MED12L: variants seen among roughly 807,000 people sequenced by gnomAD.
MED12L encodes the protein mediator complex subunit 12L, also known as mediator of RNA polymerase II transcription subunit 12-like protein.
Under a neutral mutation model 281.3 loss-of-function variants are expected in MED12L, and 60 were observed. The ratio of observed to expected loss-of-function variants is 0.21; its 90% CI spans 0.17 to 0.26. The LOEUF (loss-of-function observed/expected upper bound fraction) is 0.26. MED12L is among the 10% of genes least tolerant of loss of function. MED12L has a pLI of 1.00. For missense variants in MED12L, 2,146 were observed against 2,680.9 expected (o/e 0.80, Z 4.41); for synonymous variants, 974 against 987.2 (o/e 0.99, Z 0.25).
At chr3:151,328,604 T>A in intron 16 of MED12L, 1 of 1,613,746 alleles carries the variant, frequency 6.2e-7, no homozygotes, top group Non-Finnish European at 8.5e-7. Flanking sequence ...TAGAAAAATA[T>A]TTCTCAAAGG....
At chr3:151,278,876 C>T (rs1346644120) in intron 16 of MED12L, among the ~76,000 whole-genome samples, 1 of 152,164 alleles carries the variant, frequency 6.6e-6, no homozygotes, top group African/African-American at 2.4e-5. Flanking sequence ...AGAGGTGTTG[C>T]ATTGTCATTT....
intron 26 of MED12L, 60 bp downstream of exon 26, chr3:151,369,609 T>C: frequency 8.9e-7 from 1 of 1,123,148 alleles, no homozygotes; most frequent in Non-Finnish European, 1.3e-6. Flanking sequence ...GCAAAATAAT[T>C]TATTTTCAGG....
At chr3:151,193,806 C>G in intron 16 of MED12L, 140 bp downstream of exon 16, 1 of 681,488 alleles carries the variant, frequency 1.5e-6, no homozygotes, top group Non-Finnish European at 2.4e-6. Flanking sequence ...TGCTTCTGTT[C>G]TAATTCTGAT....
chr3:151,359,873 G>C (rs1754393480), intron 20 of MED12L, among the ~76,000 whole-genome samples: 3 of 152,038 alleles, frequency 2.0e-5, no homozygotes, highest in Admixed American at 1.3e-4. Flanking sequence ...GGACAAAGAG[G>C]CCTATAACTA....
chr3:151,272,300 GATAAAA>G (rs1389368612), intron 16 of MED12L, among the ~76,000 whole-genome samples: 5 of 152,286 alleles, frequency 3.3e-5, no homozygotes, highest in East Asian at 3.9e-4. Context: ...AAGAGGTCAA[GATAAAA>G]ATAAAACAGG....
intron 5 of MED12L, among the ~76,000 whole-genome samples, chr3:151,146,693 T>C (rs184824607): frequency 1.3e-4 from 20 of 152,358 alleles, no homozygotes; most frequent in Admixed American, 9.8e-4. Context: ...CACTCTGTAT[T>C]TGTCCCCAGT....
rs567206198 is a variant in MED12L at position 151,274,246 on chromosome 3, T to C, written c.2251-75813T>C. Among the ~76,000 whole-genome samples, 19 of 152,368 alleles carry C rather than the reference T, an allele frequency of 1.2e-4. No individual in the cohort carries two copies. In the South Asian group the frequency reaches 3.5e-3, roughly 28 times the overall value. ...AAAATAATTCCTACTTAACCTGTTA[T>C]TTTGGTTAACCTGTATTTTTCCTTA... On this transcript the variant is annotated intron_variant, in intron 16 of 44. Transcript: ENST00000687756.
intron 11 of MED12L, among the ~76,000 whole-genome samples, chr3:151,176,224 G>C (rs1274012763): frequency 6.6e-6 from 1 of 152,030 alleles, no homozygotes; most frequent in Non-Finnish European, 1.5e-5. Flanking sequence ...TTAGACTTTA[G>C]TTTGCTCAAC....
In MED12L at chr3:151,368,676, TGTCA is replaced by T. The variant is rs1560087387; in HGVS notation, c.3550+426_3550+429del. On this transcript the variant is annotated intron_variant, in intron 25 of 44. Transcript: ENST00000687756. Reference sequence around the variant, plus strand: ...TTTCATTTCATTTCATTTCATTTCATGTCATTTCATTTTATTTCATTTCATTTCA... The same window carrying T: ...TTTCATTTCATTTCATTTCATTTCATTTTCATTTTATTTCATTTCATTTCA... 7.5e-3 allele frequency among the ~76,000 whole-genome samples: 568 copies of T among 75,976 alleles called. 6 individuals are homozygous for T. The highest frequency in any genetic ancestry group is 0.011 in the Non-Finnish European group (407 of 38,524). The allele number at this position is 75,976 out of a possible 152,430, so 49.8% of individuals were successfully genotyped here. A position where few individuals can be genotyped will look rare whatever the true frequency, so the allele number is the denominator to read the frequency against.
intron 8 of MED12L, among the ~76,000 whole-genome samples, chr3:151,161,435 C>G (rs1209170260): frequency 6.6e-6 from 1 of 152,004 alleles, no homozygotes. Context: ...AGAGAGAATC[C>G]GTGAACCTGA....
At chr3:151,178,088 G>A (rs959476686) in intron 11 of MED12L, among the ~76,000 whole-genome samples, 7 of 146,996 alleles carry the variant, frequency 4.8e-5, no homozygotes, top group African/African-American at 1.5e-4. Flanking sequence ...AACCTGGAAG[G>A]TGGAGGTTGC....
In MED12L at chr3:151,365,009, A is replaced by G; in HGVS notation, c.2988A>G (p.Ile996Met). The change falls in exon 22 of 45, where the codon ATA becomes ATG. Residue 996 changes from isoleucine (I) to methionine (M), a missense_variant. Ile to Met is a conservative substitution (Grantham distance 10). Around this residue, in one of 9 missense-constraint regions of MED12L, gnomAD observed 404 missense variants for 603.5 expected, o/e 0.67. Transcript: ENST00000687756. ...CCTGTTCAAAAGTAAAGCAAACCAT[A>G]TATAATAACGTGATGCCTGCAAATT... is the stretch of plus-strand genomic sequence containing the variant. ...SSACSKVKQT[I>M]YNNVMPANSN... The G allele has an allele frequency of 6.2e-7, 1 of 1,613,966 alleles. No homozygotes were observed. The highest frequency in any genetic ancestry group is 8.5e-7 in the Non-Finnish European group (1 of 1,179,876).
chr3:151,360,936 A>G (rs1754530726), intron 21 of MED12L, among the ~76,000 whole-genome samples: 1 of 152,138 alleles, frequency 6.6e-6, no homozygotes, highest in South Asian at 2.1e-4. Context: ...GTGCATTTTA[A>G]GTAAGTCCTA....
intron 2 of MED12L, among the ~76,000 whole-genome samples, chr3:151,091,080 A>G (rs1719985880): frequency 6.6e-6 from 1 of 152,094 alleles, no homozygotes; most frequent in South Asian, 2.1e-4. Flanking sequence ...AACAACAGAA[A>G]AAGAGGCCGA....
intron 16 of MED12L, chr3:151,316,370 T>C (rs1185142414): frequency 1.3e-5 from 2 of 152,214 alleles, no homozygotes; most frequent in East Asian, 1.9e-4. Flanking sequence ...TTTCTACTTT[T>C]GAAGGCACAA....
intron 16 of MED12L, among the ~76,000 whole-genome samples, chr3:151,272,624 G>A (rs906492015): frequency 1.3e-5 from 2 of 152,184 alleles, no homozygotes; most frequent in Non-Finnish European, 2.9e-5. Flanking sequence ...TCTGCCCCAA[G>A]TATAAAATAT....
chr3:151,361,058 G>T (rs1185732468), intron 21 of MED12L, among the ~76,000 whole-genome samples: 1 of 151,892 alleles, frequency 6.6e-6, no homozygotes, highest in East Asian at 1.9e-4. Flanking sequence ...TGCTTTATTT[G>T]TATCCCTCTT....
At chr3:151,317,155 C>A (rs1460015658) in intron 16 of MED12L, among the ~76,000 whole-genome samples, 1 of 151,858 alleles carries the variant, frequency 6.6e-6, no homozygotes, top group Non-Finnish European at 1.5e-5. Flanking sequence ...CAGATGAATT[C>A]TTTGAAAATA....
chr3:151,303,709 G>A (rs1256544973), intron 16 of MED12L, among the ~76,000 whole-genome samples: 1 of 152,218 alleles, frequency 6.6e-6, no homozygotes, highest in African/African-American at 2.4e-5. Context: ...GTTGCAGTGA[G>A]CTGAGATCAC....
Sources: gnomAD v4.1 joint callset for allele counts (sites outside exome capture counted in the v4.1 genomes callset) on GRCh38, gnomAD v4.1.1 for gene constraint, gnomAD v4.1.1 regional missense constraint, MANE v1.5 for transcripts, NCBI Gene and HGNC (gene_info 2026-07-23, HGNC 2026-07-21) for gene names.